The following PHYHIP variants were observed in gnomAD, a reference collection of about 807,000 sequenced individuals.
PHYHIP encodes the protein phytanoyl-CoA hydroxylase-interacting protein.
Under a neutral mutation model 26.1 loss-of-function variants are expected in PHYHIP, and 7 were observed. The observed-to-expected ratio is 0.27, with a 90% confidence interval of 0.15 to 0.50. The LOEUF (loss-of-function observed/expected upper bound fraction) is 0.50. Ranked by LOEUF, PHYHIP falls within the 20% of genes least tolerant of loss-of-function variation. The pLI, the probability that PHYHIP is intolerant of heterozygous loss-of-function variation, is 0.98. For missense variants in PHYHIP, 232 were observed against 454.7 expected (o/e 0.51, Z 4.45); for synonymous variants, 206 against 183.4 (o/e 1.12, Z -1.00).
chr8:22,228,481 G>T, intron 1 of PHYHIP, 95 bp from the exon 2 acceptor site: 1 of 675,556 alleles, frequency 1.5e-6, no homozygotes, highest in South Asian at 1.9e-5. Context: ...GGAACCTCAA[G>T]GACCCCTGGA....
In PHYHIP at chr8:22,221,958, G is replaced by C. The variant is rs1829639328; in HGVS notation, c.459-71C>G. 9 of 1,340,002 alleles carry C rather than the reference G, an allele frequency of 6.7e-6. No individual in the cohort carries two copies. Among genetic ancestry groups the C allele is most frequent in the Non-Finnish European group, 8.0e-6 (8 of 1,004,714 alleles). 83.0% of individuals were successfully genotyped at this position (1,340,002 alleles called of 1,614,324 possible). A position where few individuals can be genotyped will look rare whatever the true frequency, so the allele number is the denominator to read the frequency against. On this transcript the variant is annotated intron_variant, in intron 4 of 4. Coordinates refer to ENST00000454243, the MANE Select transcript of PHYHIP (RefSeq NM_014759.5). The surrounding 1 kb of genome is among the most constrained non-coding windows in gnomAD (Gnocchi z 7.9). Reference sequence around the variant, plus strand: ...TGGTGAGCCGGGCTGAGGCTTGGCTGCTGCGTGTGGTCGAGGAGGGAGGAA... The same window carrying C: ...TGGTGAGCCGGGCTGAGGCTTGGCTCCTGCGTGTGGTCGAGGAGGGAGGAA...
At chr8:22,223,037 C>A (rs1226163204) in intron 4 of PHYHIP, among the ~76,000 whole-genome samples, 1 of 151,988 alleles carries the variant, frequency 6.6e-6, no homozygotes. Flanking sequence ...CCTCACTGCC[C>A]TGAGGTTAAA....
chr8:22,228,394 G>A lies in PHYHIP; in HGVS notation c.-29-8C>T. On this transcript the variant is annotated splice_polypyrimidine_tract_variant and splice_region_variant and intron_variant, in intron 1 of 4. Coordinates refer to ENST00000454243, the MANE Select transcript of PHYHIP (RefSeq NM_014759.5). ...GGTTGTCTCCTGTGGGGACTGAGGA[G>A]GAGGGAAAGGGTCAGTACATCCCTT... 1 of 1,521,912 alleles carries A rather than the reference G, an allele frequency of 6.6e-7. No individual in the cohort carries two copies. 94.3% of individuals were successfully genotyped at this position (1,521,912 alleles called of 1,614,324 possible).
intron 4 of PHYHIP, chr8:22,224,017 T>G: frequency 1.8e-6 from 1 of 552,320 alleles, no homozygotes; most frequent in East Asian, 3.1e-5. Flanking sequence ...CAGAAGGCCC[T>G]GTCCCCAGAG....
chr8:22,224,090 G>A (rs542575654), intron 4 of PHYHIP, 136 bp downstream of exon 4: 8 of 674,364 alleles, frequency 1.2e-5, no homozygotes, highest in South Asian at 5.0e-5. Flanking sequence ...GCCTGGTGAC[G>A]TCAGGACATG....
chr8:22,226,897 C>T lies in PHYHIP; in HGVS notation c.294G>A (p.Glu98=). The T allele has an allele frequency of 6.2e-7, 1 of 1,614,150 alleles. No individual in the cohort carries two copies. The change falls in exon 3 of 5, where the codon GAG becomes GAA. Residue 98 remains glutamate (E), a synonymous_variant. Coordinates refer to ENST00000454243, the MANE Select transcript of PHYHIP (RefSeq NM_014759.5). ...TCTCGCTCCAGCCGGACACCAGGTA[C>T]TCCCCATCGCTCTGCTTCACTGCCG... ...VQTAVKQSDG[E]YLVSGWSETV... is the part of the protein sequence containing the mutation.
Position 22,221,594 on chromosome 8 carries a change from C to T in PHYHIP, c.752G>A (p.Arg251His), listed in dbSNP as rs766390772. 3.7e-5 allele frequency: 60 copies of T among 1,613,782 alleles called. No homozygotes were observed. Among genetic ancestry groups the T allele is most frequent in the Middle Eastern group, 1.6e-4 (1 of 6,084 alleles). The change falls in exon 5 of 5, where the codon CGC (arginine) becomes CAC (histidine). Residue 251 changes from arginine (R) to histidine (H), a missense_variant. Transcript: ENST00000454243. The surrounding 1 kb of genome is among the most constrained non-coding windows in gnomAD (Gnocchi z 7.9). ...AATGTCCAGGAGGGGCAGGCGGTCG[C>T]GGCAGAAGCGGTCCCCCAGGGAGCC... is the stretch of plus-strand genomic sequence containing the variant. ...PKGSLGDRFC[R>H]DRLPLLDIAC...
intron 3 of PHYHIP, among the ~76,000 whole-genome samples, chr8:22,226,053 C>A (rs917693945): frequency 6.6e-6 from 1 of 152,152 alleles, no homozygotes; most frequent in African/African-American, 2.4e-5. Context: ...ACCAAGCACA[C>A]ATAGGCCCAC....
Position 22,221,920 on chromosome 8 carries a change from GAGA to G in PHYHIP, c.459-36_459-34del, listed in dbSNP as rs1466820057. ...CCCCAGGGAGACACACCAAAGGGAAGAGAAGATGTGGCTGGTGAGCCGGGCTGA... is the reference window on the plus strand; with the variant it reads ...CCCCAGGGAGACACACCAAAGGGAAGAGATGTGGCTGGTGAGCCGGGCTGA... On this transcript the variant is annotated intron_variant, in intron 4 of 4. Coordinates refer to ENST00000454243, the MANE Select transcript of PHYHIP (RefSeq NM_014759.5). The surrounding 1 kb of genome is among the most constrained non-coding windows in gnomAD (Gnocchi z 7.9). 1 of 1,464,998 alleles carries G rather than the reference GAGA, an allele frequency of 6.8e-7. No homozygotes were observed. The highest frequency in any genetic ancestry group is 2.3e-5 in the Admixed American group (1 of 43,146). 90.7% of individuals were successfully genotyped at this position (1,464,998 alleles called of 1,614,324 possible). A position where few individuals can be genotyped will look rare whatever the true frequency, so the allele number is the denominator to read the frequency against.
chr8:22,229,626 A>G (rs375508714), intron 1 of PHYHIP, among the ~76,000 whole-genome samples: 60 of 152,134 alleles, frequency 3.9e-4, no homozygotes, highest in African/African-American at 1.3e-3. Flanking sequence ...GGCATTCTCC[A>G]GGGGCATTTG....
rs1318329037 is a variant in PHYHIP, at chr8:22,221,689, G to A, written c.657C>T (p.Asn219=). Residue 219 remains asparagine (N), a synonymous_variant, in exon 5 of 5, where the codon AAC becomes AAT. Coordinates refer to ENST00000454243, the MANE Select transcript of PHYHIP (RefSeq NM_014759.5). This position sits in a 1 kb window ranked among gnomAD's most constrained non-coding sequence, Gnocchi z 7.9. ...TGCAGTAGAAGTCCGCAAAGTAGAG[G>A]TTGGTGCTGGGATTGAAGAGGCGCT... ...PAQRLFNPST[N]LYFADFYCMY... 6.2e-7 allele frequency: 1 copy of A among 1,613,060 alleles called. No individual in the cohort carries two copies. The highest frequency in any genetic ancestry group is 1.1e-5 in the South Asian group (1 of 90,940).
chr8:22,223,825 G>GT, intron 4 of PHYHIP: 2 of 163,582 alleles, frequency 1.2e-5, no homozygotes, highest in Non-Finnish European at 1.3e-5. Flanking sequence ...CGACGAGCTG[G>GT]GTGCTTCCTC....
chr8:22,222,847 A>G (rs1829658468), intron 4 of PHYHIP, among the ~76,000 whole-genome samples: 1 of 152,060 alleles, frequency 6.6e-6, no homozygotes, highest in Non-Finnish European at 1.5e-5. Flanking sequence ...CAAGCAATCC[A>G]CACCCGGCTA....
intron 1 of PHYHIP, among the ~76,000 whole-genome samples, chr8:22,230,220 C>A (rs949438728): frequency 1.3e-5 from 2 of 152,062 alleles, no homozygotes; most frequent in African/African-American, 2.4e-5. Flanking sequence ...CACACGCACA[C>A]ACACACACGA....
chr8:22,227,202 C>G (rs1257568770), intron 2 of PHYHIP, among the ~76,000 whole-genome samples, 177 bp from the exon 3 acceptor site: 1 of 152,232 alleles, frequency 6.6e-6, no homozygotes, highest in Non-Finnish European at 1.5e-5. Flanking sequence ...GCCACCCAGA[C>G]ACTCCACAGC....
rs75233986 is a variant in PHYHIP at position 22,220,481 on chromosome 8, C to G, written c.*872G>C. ...CCCGCGGGACAGCTTACAGGTCTCA[C>G]GTTCCATGCCAGGCCCCAGCAGAGC... On this transcript the variant is annotated 3_prime_UTR_variant, in exon 5 of 5. Transcript: ENST00000454243. 2.6e-4 allele frequency: 39 copies of G among 152,562 alleles called. No homozygotes were observed. The highest frequency in any genetic ancestry group is 8.9e-4 in the African/African-American group (37 of 41,556). The allele number at this position is 152,562 out of a possible 1,614,324, so 9.5% of individuals were successfully genotyped here.
chr8:22,229,344 T>C (rs918747225), intron 1 of PHYHIP, among the ~76,000 whole-genome samples: 1 of 152,136 alleles, frequency 6.6e-6, no homozygotes, highest in African/African-American at 2.4e-5. Flanking sequence ...GTGCCCATGG[T>C]GTTTCCACCT....
intron 3 of PHYHIP, among the ~76,000 whole-genome samples, chr8:22,224,959 C>T (rs1369615244): frequency 6.6e-6 from 1 of 152,220 alleles, no homozygotes; most frequent in Non-Finnish European, 1.5e-5. Flanking sequence ...CCCAGCAAGG[C>T]TGCTGCTGGC....
At chr8:22,225,639 AC>A (rs1347864676) in intron 3 of PHYHIP, among the ~76,000 whole-genome samples, 4 of 71,998 alleles carry the variant, frequency 5.6e-5, no homozygotes, top group South Asian at 8.3e-4. Flanking sequence ...TACTAAAAAT[AC>A]AAAAAAAAAA....
Sources: allele counts gnomAD v4.1 joint callset (sites outside exome capture counted in the v4.1 genomes callset), GRCh38; gene constraint gnomAD v4.1.1; non-coding constraint Gnocchi (gnomAD v3.1); transcripts MANE v1.5; gene names NCBI Gene and HGNC (gene_info 2026-07-23, HGNC 2026-07-21).